Variants in WWTR1 observed in about 807,000 individuals in gnomAD.
WWTR1 encodes WW domain-containing transcription regulator protein 1.
A neutral mutation model predicts 40.1 loss-of-function variants in WWTR1; 13 were observed. The observed-to-expected ratio is 0.32, with a 90% CI of 0.21 to 0.52. The LOEUF is 0.52. Among genes scored for constraint, WWTR1 ranks in the 20% least tolerant of loss-of-function variants. WWTR1 has a pLI of 0.97. For synonymous variants in WWTR1, 230 were observed against 210.1 expected (o/e 1.09, Z -0.82); for missense variants, 436 against 523.1 (o/e 0.83, Z 1.63).
intron 5 of WWTR1, among the ~76,000 whole-genome samples, chr3:149,711,500 T>C (rs1182026986): frequency 6.6e-6 from 1 of 152,204 alleles, no homozygotes; most frequent in Non-Finnish European, 1.5e-5. Context: ...TACTTTATTT[T>C]ATAAAGAACA....
intron 1 of WWTR1, among the ~76,000 whole-genome samples, chr3:149,674,739 G>A (rs1714206181): frequency 6.6e-6 from 1 of 152,130 alleles, no homozygotes; most frequent in Non-Finnish European, 1.5e-5. Context: ...TCTGTATACT[G>A]TTCCTTTGGT....
At chr3:149,599,207 T>C (rs962369608) in intron 2 of WWTR1, among the ~76,000 whole-genome samples, 2 of 152,234 alleles carry the variant, frequency 1.3e-5, no homozygotes, top group Non-Finnish European at 2.9e-5. Context: ...TGAAGGTTAA[T>C]GGGCTGGGGA....
chr3:149,691,085 A>T lies in WWTR1; in HGVS notation c.-108+12039T>A, dbSNP rs11926035. Among the ~76,000 whole-genome samples, 1,182 of 151,852 alleles carry T rather than the reference A, an allele frequency of 7.8e-3. 7 individuals carry two copies. Among genetic ancestry groups the T allele is most frequent in the Non-Finnish European group, 0.013 (869 of 67,892 alleles). On this transcript the variant is annotated intron_variant, in intron 1 of 7. Coordinates refer to the WWTR1 transcript ENST00000465804. ...TTGAGAAAAAATTTAAAATTTAAAA[A>T]TTTTTTTTTAAAAGAAAAAATTTCT...
chr3:149,695,939 C>T (rs1714973883), intron 1 of WWTR1, among the ~76,000 whole-genome samples: 2 of 150,144 alleles, frequency 1.3e-5, no homozygotes, highest in Non-Finnish European at 3.0e-5. Flanking sequence ...GGTGAAATCC[C>T]GTCTCTACCA....
At chr3:149,556,527 C>G (rs1369941819) in intron 3 of WWTR1, among the ~76,000 whole-genome samples, 1 of 152,042 alleles carries the variant, frequency 6.6e-6, no homozygotes, top group Non-Finnish European at 1.5e-5. Flanking sequence ...TGCAGTGAGC[C>G]GAGATCGCGC....
In WWTR1 at chr3:149,575,690, C is replaced by G. The variant is rs552944532; in HGVS notation, c.432-2690G>C. Among the ~76,000 whole-genome samples the G allele has an allele frequency of 5.3e-5, 8 of 152,322 alleles. No homozygotes were observed. The East Asian group carries it at 1.5e-3, about 29-fold the overall frequency. On this transcript the variant is annotated intron_variant, in intron 2 of 6. Coordinates refer to ENST00000360632, the MANE Select transcript of WWTR1 (RefSeq NM_015472.6). ...GATGCATTCCTAAATGCTCGTCCCC[C>G]ACTCTCCCCTCCCGTTCTGAACAAG... is the stretch of plus-strand genomic sequence containing the variant.
chr3:149,636,135 T>G (rs1037989584), intron 2 of WWTR1, among the ~76,000 whole-genome samples: 1 of 152,204 alleles, frequency 6.6e-6, no homozygotes, highest in African/African-American at 2.4e-5. Flanking sequence ...TGGCTAAACT[T>G]TCTTTGAAGT....
intron 1 of WWTR1, among the ~76,000 whole-genome samples, chr3:149,688,186 C>T (rs1349381570): frequency 1.3e-5 from 2 of 152,098 alleles, no homozygotes; most frequent in African/African-American, 4.8e-5. Flanking sequence ...TCTAGACCCA[C>T]CCTGGGCCAG....
At chr3:149,653,908 C>T (rs1452838501) in intron 2 of WWTR1, among the ~76,000 whole-genome samples, 1 of 152,098 alleles carries the variant, frequency 6.6e-6, no homozygotes, top group East Asian at 1.9e-4. Context: ...AAAATTGACC[C>T]TTGTCATTCT....
intron 4 of WWTR1, among the ~76,000 whole-genome samples, chr3:149,534,189 A>G (rs994101130): frequency 1.3e-5 from 2 of 151,860 alleles, no homozygotes; most frequent in East Asian, 1.9e-4. Flanking sequence ...AAAGAAAAAG[A>G]AAAGAAAAGA....
intron 2 of WWTR1, among the ~76,000 whole-genome samples, chr3:149,599,527 T>C (rs1455123358): frequency 6.6e-6 from 1 of 152,248 alleles, no homozygotes; most frequent in Non-Finnish European, 1.5e-5. Flanking sequence ...AAACAGTGTA[T>C]AGCTGTTGCC....
At chr3:149,717,626 C>T (rs1273805853) in intron 4 of WWTR1, 1 of 152,134 alleles carries the variant, frequency 6.6e-6, no homozygotes, top group Non-Finnish European at 1.5e-5. Flanking sequence ...GATGTATGCC[C>T]TCTGGTGCCC....
intron 5 of WWTR1, among the ~76,000 whole-genome samples, chr3:149,714,479 A>G (rs1437285877): frequency 6.6e-6 from 1 of 152,222 alleles, no homozygotes; most frequent in African/African-American, 2.4e-5. Flanking sequence ...GCGCTGTTGC[A>G]GCCTGGCTGG....
At chr3:149,553,655 T>A (rs929989059) in intron 3 of WWTR1, among the ~76,000 whole-genome samples, 3 of 152,210 alleles carry the variant, frequency 2.0e-5, no homozygotes, top group Non-Finnish European at 4.4e-5. Context: ...AATAATGATA[T>A]GCAACTGAAA....
chr3:149,683,427 C>A (rs1195735345), intron 1 of WWTR1, among the ~76,000 whole-genome samples: 1 of 152,192 alleles, frequency 6.6e-6, no homozygotes, highest in East Asian at 1.9e-4. Context: ...GGTACAGGGG[C>A]TCATGCCTGT....
chr3:149,577,596 G>A (rs1737946625), intron 2 of WWTR1, among the ~76,000 whole-genome samples: 2 of 152,150 alleles, frequency 1.3e-5, no homozygotes, highest in Admixed American at 1.3e-4. Flanking sequence ...CAAAAGCATG[G>A]AGTTTGCTAA....
intron 3 of WWTR1, among the ~76,000 whole-genome samples, chr3:149,562,222 G>A (rs1737114733): frequency 6.6e-6 from 1 of 151,824 alleles, no homozygotes; most frequent in African/African-American, 2.4e-5. Flanking sequence ...TTGAACCTGG[G>A]AGGCAGAGGT....
At chr3:149,577,487 T>C (rs1737940197) in intron 2 of WWTR1, among the ~76,000 whole-genome samples, 2 of 152,144 alleles carry the variant, frequency 1.3e-5, no homozygotes, top group Non-Finnish European at 1.5e-5. Flanking sequence ...GGACCACTAC[T>C]TCCCAGACAG....
At chr3:149,629,587 C>G (rs888766074) in intron 2 of WWTR1, among the ~76,000 whole-genome samples, 2 of 152,114 alleles carry the variant, frequency 1.3e-5, no homozygotes, top group African/African-American at 4.8e-5. Context: ...ACTTGTTACC[C>G]AAGTGAAGAC....
Sources: allele counts gnomAD v4.1 joint callset (sites outside exome capture counted in the v4.1 genomes callset), GRCh38; gene constraint gnomAD v4.1.1; transcripts MANE v1.5; gene names NCBI Gene and HGNC (gene_info 2026-07-23, HGNC 2026-07-21).